WAPL: variants seen among roughly 807,000 people sequenced by gnomAD.
WAPL encodes the protein wings apart-like protein homolog.
WAPL carries 5 observed loss-of-function variants against 121.0 expected under a neutral mutation model. The ratio of observed to expected loss-of-function variants is 0.04; its 90% confidence interval spans 0.02 to 0.09. WAPL has a LOEUF of 0.09. Among genes scored for constraint, WAPL ranks in the 10% least tolerant of loss-of-function variants. WAPL has a pLI of 1.00. For missense variants in WAPL, 999 were observed against 1,410.8 expected (o/e 0.71, Z 4.68); for synonymous variants, 480 against 481.5 (o/e 1.00, Z 0.04).
At chr10:86,514,875 G>A (rs906312822) in intron 2 of WAPL, among the ~76,000 whole-genome samples, 6 of 152,188 alleles carry the variant, frequency 3.9e-5, no homozygotes, top group African/African-American at 7.2e-5. Flanking sequence ...TAAGGAAGAT[G>A]GAGTCAGCCC....
Position 86,521,783 on chromosome 10 carries a change from G to A in WAPL, c.-441C>T, listed in dbSNP as rs1370274203. The A allele has an allele frequency of 2.3e-6, 1 of 435,514 alleles. No individual in the cohort carries two copies. Among genetic ancestry groups the A allele is most frequent in the South Asian group, 1.6e-5 (1 of 60,840 alleles). The allele number at this position is 435,514 out of a possible 1,614,324, so 27.0% of individuals were successfully genotyped here. A position where few individuals can be genotyped will look rare whatever the true frequency, so the allele number is the denominator to read the frequency against. On this transcript the variant is annotated 5_prime_UTR_variant, in exon 1 of 19. Transcript: ENST00000298767. Reference sequence around the variant, plus strand: ...CACCTCCTTCCTCCAACAGCCGCTCGCTCCGTCACTCCGCTTCCCACAGTC... The same window carrying A: ...CACCTCCTTCCTCCAACAGCCGCTCACTCCGTCACTCCGCTTCCCACAGTC...
chr10:86,517,516 A>G, intron 2 of WAPL, 55 bp downstream of exon 2: 6 of 1,521,618 alleles, frequency 3.9e-6, no homozygotes, highest in Non-Finnish European at 5.2e-6. Flanking sequence ...AATCATTTAA[A>G]TAAATTGGTT....
chr10:86,456,615 C>G (rs756119249), intron 12 of WAPL, among the ~76,000 whole-genome samples: 25 of 152,294 alleles, frequency 1.6e-4, no homozygotes, highest in Admixed American at 7.8e-4. Flanking sequence ...CTAATCTACG[C>G]CTAGTTGCCC....
intron 4 of WAPL, among the ~76,000 whole-genome samples, chr10:86,487,556 G>A (rs1841952396): frequency 6.6e-6 from 1 of 152,076 alleles, no homozygotes; most frequent in African/African-American, 2.4e-5. Context: ...ATTCCTGGGA[G>A]ACACTAAAGG....
chr10:86,501,761 A>T (rs749138595), intron 2 of WAPL, among the ~76,000 whole-genome samples: 1 of 152,154 alleles, frequency 6.6e-6, no homozygotes, highest in African/African-American at 2.4e-5. Flanking sequence ...CTGCAGCTTC[A>T]GAGACCTCCA....
intron 4 of WAPL, among the ~76,000 whole-genome samples, chr10:86,485,151 T>C (rs1841901445): frequency 6.8e-6 from 1 of 147,168 alleles, no homozygotes; most frequent in Non-Finnish European, 1.5e-5. Flanking sequence ...CAGCTCCTGA[T>C]AACCCCTGGC....
intron 4 of WAPL, among the ~76,000 whole-genome samples, chr10:86,481,516 G>A (rs1189061713): frequency 6.6e-6 from 1 of 152,132 alleles, no homozygotes; most frequent in Non-Finnish European, 1.5e-5. Flanking sequence ...TGGGATTACA[G>A]GCATGTGCTA....
intron 4 of WAPL, among the ~76,000 whole-genome samples, chr10:86,481,743 T>C (rs1476613743): frequency 6.6e-6 from 1 of 151,904 alleles, no homozygotes; most frequent in African/African-American, 2.4e-5. Flanking sequence ...AACAATAAAA[T>C]TGGTTCCCTA....
chr10:86,481,094 A>G (rs1841772701), intron 4 of WAPL, among the ~76,000 whole-genome samples: 1 of 152,216 alleles, frequency 6.6e-6, no homozygotes, highest in African/African-American at 2.4e-5. Flanking sequence ...ATAACAGGAC[A>G]TGCTGAAAGT....
intron 2 of WAPL, among the ~76,000 whole-genome samples, chr10:86,510,168 G>A (rs868123982): frequency 2.7e-5 from 4 of 147,190 alleles, no homozygotes; most frequent in South Asian, 2.2e-4. Flanking sequence ...TCTGCCTACC[G>A]GGTTTAAGCG....
Position 86,455,708 on chromosome 10 carries a change from A to G in WAPL, c.2658-1877T>C. Among the ~76,000 whole-genome samples the G allele has an allele frequency of 3.1e-5, 4 of 127,194 alleles. No homozygotes were observed. In the East Asian group the frequency reaches 8.4e-4, roughly 27 times the overall value. The allele number at this position is 127,194 out of a possible 152,430, so 83.4% of individuals were successfully genotyped here. A position where few individuals can be genotyped will look rare whatever the true frequency, so the allele number is the denominator to read the frequency against. The stretch of plus-strand genomic sequence containing the variant: ...TAAAAAAAAAAAAAGAAAGAAAGAA[A>G]AAAAAAGAAAAAAAGAAAACAAATA... On this transcript the variant is annotated intron_variant, in intron 12 of 18. Coordinates refer to ENST00000298767, the MANE Select transcript of WAPL (RefSeq NM_015045.5).
At chr10:86,468,617 T>TAC (rs540406979) in intron 8 of WAPL, among the ~76,000 whole-genome samples, 143 of 152,330 alleles carry the variant, frequency 9.4e-4, no homozygotes, top group Non-Finnish European at 1.8e-3. Flanking sequence ...CAGCTGTGTT[T>TAC]ACATCTGTAT....
chr10:86,480,651 G>C (rs1177375415), intron 4 of WAPL, among the ~76,000 whole-genome samples: 1 of 152,056 alleles, frequency 6.6e-6, no homozygotes, highest in Non-Finnish European at 1.5e-5. Flanking sequence ...AACACCACCT[G>C]TGATTAGAGA....
rs549224281 is a variant in WAPL at position 86,459,107 on chromosome 10, T to A, written c.2581-42A>T. 77 of 1,508,144 alleles carry A rather than the reference T, an allele frequency of 5.1e-5. No homozygotes were observed. The South Asian group carries it at 8.2e-4, about 16-fold the overall frequency. 93.4% of individuals were successfully genotyped at this position (1,508,144 alleles called of 1,614,324 possible). ...TGAAATAATTGTGGCAATCCAAAACTTTCATTCATTCATGTAACACCACAT... is the reference window on the plus strand; with the variant it reads ...TGAAATAATTGTGGCAATCCAAAACATTCATTCATTCATGTAACACCACAT... On this transcript the variant is annotated intron_variant, in intron 11 of 18. Coordinates refer to ENST00000298767, the MANE Select transcript of WAPL (RefSeq NM_015045.5).
intron 17 of WAPL, among the ~76,000 whole-genome samples, chr10:86,439,788 G>T (rs1411303000): frequency 6.6e-6 from 1 of 152,190 alleles, no homozygotes; most frequent in Admixed American, 6.5e-5. Flanking sequence ...CAATGTCCCA[G>T]GAATGGAGGG....
intron 2 of WAPL, among the ~76,000 whole-genome samples, chr10:86,512,039 A>G (rs187954069): frequency 1.5e-3 from 230 of 152,368 alleles, no homozygotes; most frequent in Non-Finnish European, 2.4e-3. Context: ...CAATAAATAA[A>G]GGCAGGTAAC....
At chr10:86,466,568 T>C (rs941490559) in intron 9 of WAPL, among the ~76,000 whole-genome samples, 31 of 151,966 alleles carry the variant, frequency 2.0e-4, no homozygotes, top group African/African-American at 7.3e-4. Flanking sequence ...AGACGCTATC[T>C]CAAAAAACAG....
At chr10:86,491,434 C>T (rs535002162) in intron 4 of WAPL, among the ~76,000 whole-genome samples, 5 of 152,062 alleles carry the variant, frequency 3.3e-5, no homozygotes, top group South Asian at 4.2e-4. Context: ...CCACCACGCC[C>T]GGCATGGTTC....
intron 4 of WAPL, among the ~76,000 whole-genome samples, chr10:86,486,676 C>T (rs1171962231): frequency 2.0e-5 from 3 of 152,136 alleles, no homozygotes; most frequent in African/African-American, 7.2e-5. Flanking sequence ...AAGGTATAGG[C>T]TGGGCATGAT....
Sources: allele counts gnomAD v4.1 joint callset (sites outside exome capture counted in the v4.1 genomes callset), GRCh38; gene constraint gnomAD v4.1.1; transcripts MANE v1.5; gene names NCBI Gene and HGNC (gene_info 2026-07-23, HGNC 2026-07-21).